Variants in OR2C1 observed in about 807,000 individuals in gnomAD.
The protein encoded by OR2C1 is olfactory receptor family 2 subfamily C member 1.
For synonymous variants in OR2C1, 209 were observed against 167.3 expected (o/e 1.25, Z -1.92); for missense variants, 468 against 388.3 (o/e 1.21, Z -1.73).
At chr16:3,357,567 A>G (rs2030702419), downstream of OR2C1, among the ~76,000 whole-genome samples, 1 of 152,026 alleles carries the variant, frequency 6.6e-6, no homozygotes, top group African/African-American at 2.4e-5. Flanking sequence ...ATGGGGTCTC[A>G]CTCTGTTAAC....
At chr16:3,336,708 C>CTCT in the OR2C1 span, among the ~76,000 whole-genome samples, 5 of 93,768 alleles carry the variant, frequency 5.3e-5, 1 homozygote, top group Admixed American at 5.4e-4. Context: ...TTCTTTCTTT[C>CTCT]TTTCTTTTTT....
the OR2C1 span, among the ~76,000 whole-genome samples, chr16:3,345,759 TTC>T: frequency 2.7e-5 from 4 of 149,866 alleles, no homozygotes; most frequent in Middle Eastern, 0.01. Flanking sequence ...CTCTCTCTCG[TTC>T]TCTCTTTCTC....
At position 3,356,888 on chromosome 16, in the gene OR2C1, T is replaced by G; in HGVS notation, c.*9T>G. 1 of 1,548,292 alleles carries G rather than the reference T, an allele frequency of 6.5e-7. No homozygotes were observed. The highest frequency in any genetic ancestry group is 8.7e-7 in the Non-Finnish European group (1 of 1,145,786). ...GAAGAGAAGTTGGCTGAGAGAACACTCCTTCGTTATTTATTGCGTCTTCAT... is the reference window on the plus strand; with the variant it reads ...GAAGAGAAGTTGGCTGAGAGAACACGCCTTCGTTATTTATTGCGTCTTCAT... On this transcript the variant is annotated 3_prime_UTR_variant, in exon 1 of 1. Transcript: ENST00000304936.
At chr16:3,335,127 T>C in the OR2C1 span, among the ~76,000 whole-genome samples, 2 of 152,192 alleles carry the variant, frequency 1.3e-5, no homozygotes, top group Non-Finnish European at 2.9e-5. Context: ...CTCCACTTAG[T>C]TCTTTATACT....
chr16:3,325,636 C>T, the OR2C1 span, among the ~76,000 whole-genome samples: 1 of 151,200 alleles, frequency 6.6e-6, no homozygotes, highest in Non-Finnish European at 1.5e-5. Flanking sequence ...TGTGAAGTGT[C>T]ACAAAGTAAG....
the OR2C1 span, among the ~76,000 whole-genome samples, chr16:3,339,746 G>A: frequency 1.7e-4 from 26 of 151,494 alleles, no homozygotes; most frequent in African/African-American, 3.6e-4. Context: ...ATGAGCCACC[G>A]CACCCGGCCC....
chr16:3,336,328 A>C, the OR2C1 span, among the ~76,000 whole-genome samples: 3,986 of 152,180 alleles, frequency 0.026, 173 homozygotes, highest in African/African-American at 0.09. Context: ...TTTTATGTTC[A>C]TCAGGAATAT....
chr16:3,326,373 A>G, the OR2C1 span, among the ~76,000 whole-genome samples: 10 of 152,172 alleles, frequency 6.6e-5, no homozygotes. Flanking sequence ...ATTCCCATCC[A>G]CACCAGACAC....
At chr16:3,352,909 T>A (rs921498307), upstream of OR2C1, among the ~76,000 whole-genome samples, 2 of 129,812 alleles carry the variant, frequency 1.5e-5, no homozygotes, top group African/African-American at 6.1e-5. Flanking sequence ...GCCCGGATAA[T>A]TTTTTTTTAT....
At chr16:3,352,151 C>T (rs1401863234), upstream of OR2C1, among the ~76,000 whole-genome samples, 1 of 152,028 alleles carries the variant, frequency 6.6e-6, no homozygotes, top group Non-Finnish European at 1.5e-5. Flanking sequence ...GAGTCTCCCT[C>T]TGTCGCCCAG....
At chr16:3,357,935 C>A (rs1405224491), downstream of OR2C1, among the ~76,000 whole-genome samples, 2 of 151,524 alleles carry the variant, frequency 1.3e-5, no homozygotes, top group Admixed American at 1.3e-4. Context: ...GAGCTGAGAT[C>A]GTGCCATTGC....
the OR2C1 span, among the ~76,000 whole-genome samples, chr16:3,328,772 G>T: frequency 6.6e-6 from 1 of 152,072 alleles, no homozygotes; most frequent in Admixed American, 6.6e-5. Context: ...TGACAAACAG[G>T]GTTGACAAAT....
chr16:3,332,860 A>G, the OR2C1 span, among the ~76,000 whole-genome samples: 1 of 152,058 alleles, frequency 6.6e-6, no homozygotes, highest in Admixed American at 6.6e-5. Flanking sequence ...TATCTCTTCA[A>G]TATATTGACT....
the OR2C1 span, among the ~76,000 whole-genome samples, chr16:3,338,975 GA>G: frequency 6.6e-6 from 1 of 152,206 alleles, no homozygotes; most frequent in East Asian, 1.9e-4. Flanking sequence ...TAATCACCCT[GA>G]AAGAAATTCC....
the OR2C1 span, among the ~76,000 whole-genome samples, chr16:3,340,554 C>T: frequency 2.6e-5 from 4 of 152,220 alleles, no homozygotes; most frequent in East Asian, 7.7e-4. Context: ...CCCGTGTTTC[C>T]TTCTAAGAGT....
the OR2C1 span, among the ~76,000 whole-genome samples, chr16:3,346,484 G>T: frequency 6.6e-6 from 1 of 152,090 alleles, no homozygotes; most frequent in Non-Finnish European, 1.5e-5. Context: ...GCCACCCAGT[G>T]TTCCAGCAAC....
At chr16:3,328,458 C>G in the OR2C1 span, among the ~76,000 whole-genome samples, 13 of 152,302 alleles carry the variant, frequency 8.5e-5, no homozygotes. Context: ...ACGCTGTGTG[C>G]TCATTCATTC....
chr16:3,329,030 T>C, the OR2C1 span, among the ~76,000 whole-genome samples: 1 of 151,732 alleles, frequency 6.6e-6, no homozygotes, highest in South Asian at 2.1e-4. Flanking sequence ...GGTCTCACTT[T>C]GTCACCCAGG....
chr16:3,350,557 G>T, the OR2C1 span, among the ~76,000 whole-genome samples: 2 of 151,244 alleles, frequency 1.3e-5, no homozygotes, highest in Non-Finnish European at 2.9e-5. Context: ...GACTACAGGC[G>T]CCTGCCTCCG....
Sources: allele counts gnomAD v4.1 joint callset (sites outside exome capture counted in the v4.1 genomes callset), GRCh38; gene constraint gnomAD v4.1.1; transcripts MANE v1.5; gene names NCBI Gene and HGNC (gene_info 2026-07-23, HGNC 2026-07-21).